The following SND1 variants were observed in gnomAD, a reference collection of about 807,000 sequenced individuals.
SND1 encodes staphylococcal nuclease domain-containing protein 1.
Under a neutral mutation model 121.7 loss-of-function variants are expected in SND1, and 38 were observed. That is an observed-to-expected ratio of 0.31 (90% confidence interval 0.24 to 0.41). SND1 has a LOEUF of 0.41. Among genes scored for constraint, SND1 ranks in the 10% least tolerant of loss-of-function variants. The probability of loss-of-function intolerance (pLI) is 1.00; values close to 1 mark genes in which losing one functional copy is unlikely to be tolerated. For synonymous variants in SND1, 401 were observed against 447.4 expected, an observed-to-expected ratio of 0.90 and a Z score of 1.31; for missense variants, 868 against 1,184.6, an observed-to-expected ratio of 0.73 and a Z score of 3.92.
intron 17 of SND1, among the ~76,000 whole-genome samples, chr7:128,077,464 G>A (rs1174148408): frequency 2.0e-5 from 3 of 152,314 alleles, no homozygotes; most frequent in East Asian, 1.9e-4. Flanking sequence ...GAGGGGACCC[G>A]AGCAAGACAG....
At chr7:127,893,808 C>T (rs369705975) in intron 13 of SND1, among the ~76,000 whole-genome samples, 1 of 152,076 alleles carries the variant, frequency 6.6e-6, no homozygotes, top group South Asian at 2.1e-4. Context: ...CTCATCTCAG[C>T]ATCGCCTTGG....
chr7:127,991,832 G>A (rs1047764407), intron 16 of SND1, among the ~76,000 whole-genome samples: 2 of 152,132 alleles, frequency 1.3e-5, no homozygotes, highest in African/African-American at 4.8e-5. Context: ...GAGCAGATGC[G>A]TGGACTTCTT....
chr7:127,701,539 C>CTGCAGAAG (rs55992554), intron 5 of SND1, among the ~76,000 whole-genome samples: 33,104 of 151,568 alleles, frequency 0.22, 4,160 homozygotes, highest in African/African-American at 0.35. Flanking sequence ...AGAAGCTAGT[C>CTGCAGAAG]CTGTGCTGTT....
At chr7:128,008,480 G>A (rs1303273407) in intron 16 of SND1, among the ~76,000 whole-genome samples, 1 of 133,836 alleles carries the variant, frequency 7.5e-6, no homozygotes, top group Non-Finnish European at 1.6e-5. Context: ...TTTTTTTTTT[G>A]GAGGGGGGTT....
chr7:128,035,928 T>C (rs1792741923), intron 16 of SND1, among the ~76,000 whole-genome samples: 1 of 152,178 alleles, frequency 6.6e-6, no homozygotes, highest in Non-Finnish European at 1.5e-5. Context: ...TAGATGTCCA[T>C]AATGCCTCAT....
Position 127,991,033 on chromosome 7 carries a change from A to G in SND1, c.1756A>G (p.Lys586Glu). Residue 586 changes from lysine to glutamate, a missense_variant, in exon 16 of 24, where the codon AAG becomes GAG. Physicochemically the swap from Lys to Glu is moderately conservative, Grantham distance 56. Coordinates refer to ENST00000354725, the MANE Select transcript of SND1 (RefSeq NM_014390.4). ...CAGCGAGGAAGCTACACTTTTCACC[A>G]AGGAACTGGTGCTGCAGCGAGAGGT... is the stretch of plus-strand genomic sequence containing the variant. ...PFSEEATLFTKELVLQREVEV... is the reference protein window; with the variant it reads ...PFSEEATLFTEELVLQREVEV... 1 of 1,613,850 alleles carries G rather than the reference A, an allele frequency of 6.2e-7. No individual in the cohort carries two copies. Among genetic ancestry groups the G allele is most frequent in the Non-Finnish European group, 8.5e-7 (1 of 1,179,832 alleles).
At chr7:127,841,751 G>A (rs1042010646) in intron 11 of SND1, among the ~76,000 whole-genome samples, 2 of 152,028 alleles carry the variant, frequency 1.3e-5, no homozygotes, top group African/African-American at 4.8e-5. Flanking sequence ...AAACCTTTTT[G>A]TTGGAGGGCA....
chr7:127,817,973 T>G (rs1334544670), intron 11 of SND1, among the ~76,000 whole-genome samples: 1 of 152,098 alleles, frequency 6.6e-6, no homozygotes, highest in African/African-American at 2.4e-5. Context: ...TCAATAGATC[T>G]TTACAGAAGG....
chr7:127,823,778 C>G (rs1798594590), intron 11 of SND1, among the ~76,000 whole-genome samples: 1 of 151,836 alleles, frequency 6.6e-6, no homozygotes, highest in South Asian at 2.1e-4. Flanking sequence ...GACATATTTG[C>G]TTTTAAAAGT....
At chr7:127,974,590 A>G (rs1159649866) in intron 15 of SND1, among the ~76,000 whole-genome samples, 1 of 152,194 alleles carries the variant, frequency 6.6e-6, no homozygotes, top group Admixed American at 6.5e-5. Context: ...GAGCTTCTTC[A>G]GATTCCAGGC....
At chr7:127,751,313 G>C (rs918428146) in intron 10 of SND1, among the ~76,000 whole-genome samples, 2 of 152,136 alleles carry the variant, frequency 1.3e-5, no homozygotes, top group African/African-American at 4.8e-5. Context: ...GCTTGTCTCC[G>C]ATACTTGAGT....
intron 10 of SND1, among the ~76,000 whole-genome samples, chr7:127,739,167 T>A (rs1796832041): frequency 6.6e-6 from 1 of 152,200 alleles, no homozygotes; most frequent in Non-Finnish European, 1.5e-5. Flanking sequence ...TACTGTGTCA[T>A]TTGTATAGGT....
At chr7:127,832,532 C>T (rs925961731) in intron 11 of SND1, among the ~76,000 whole-genome samples, 6 of 152,196 alleles carry the variant, frequency 3.9e-5, no homozygotes, top group Non-Finnish European at 7.3e-5. Context: ...CGTGATAGAT[C>T]TCTAAGGCAG....
At chr7:127,936,215 C>G (rs948064081) in intron 15 of SND1, among the ~76,000 whole-genome samples, 1 of 152,126 alleles carries the variant, frequency 6.6e-6, no homozygotes, top group Non-Finnish European at 1.5e-5. Context: ...TGTTCAAGGT[C>G]TCTCTGCCTG....
chr7:127,814,682 A>G (rs1206217351), intron 11 of SND1, among the ~76,000 whole-genome samples: 4 of 152,074 alleles, frequency 2.6e-5, no homozygotes, highest in African/African-American at 7.2e-5. Flanking sequence ...AAAGAGTCCA[A>G]TTGGAAAGCA....
chr7:127,731,659 T>C (rs1796678814), intron 10 of SND1, among the ~76,000 whole-genome samples: 1 of 152,206 alleles, frequency 6.6e-6, no homozygotes, highest in African/African-American at 2.4e-5. Context: ...GTTACCCTTC[T>C]TCCGGAGGTG....
rs1793070372 is a variant in SND1 at position 128,052,875 on chromosome 7, C to T, written c.1780-21627C>T. The stretch of plus-strand genomic sequence containing the variant: ...TTATGTGAAAAGACCAATAGTCAGC[C>T]CTACCCTTCAGGGACTTCTAGTTTA... On this transcript the variant is annotated intron_variant, in intron 16 of 23. Coordinates refer to ENST00000354725, the MANE Select transcript of SND1 (RefSeq NM_014390.4). The surrounding 1 kb of genome is among the most constrained non-coding windows in gnomAD (Gnocchi z 4.6). Among the ~76,000 whole-genome samples the T allele has an allele frequency of 6.6e-6, 1 of 152,190 alleles. No individual in the cohort carries two copies. The highest frequency in any genetic ancestry group is 1.5e-5 in the Non-Finnish European group (1 of 68,040).
intron 1 of SND1, among the ~76,000 whole-genome samples, chr7:127,686,354 C>T (rs1795812588): frequency 6.6e-6 from 1 of 152,176 alleles, no homozygotes; most frequent in African/African-American, 2.4e-5. Context: ...TGCCTTTTTA[C>T]CCCAGTCTGT....
At position 128,085,620 on chromosome 7, in the gene SND1, A is replaced by G; in HGVS notation, c.2235-91A>G. 3 of 1,143,450 alleles carry G rather than the reference A, an allele frequency of 2.6e-6. No individual in the cohort carries two copies. The highest frequency in any genetic ancestry group is 2.5e-5 in the South Asian group (2 of 78,978). The allele number at this position is 1,143,450 out of a possible 1,614,324, so 70.8% of individuals were successfully genotyped here. A position where few individuals can be genotyped will look rare whatever the true frequency, so the allele number is the denominator to read the frequency against. On this transcript the variant is annotated intron_variant, in intron 19 of 23. Transcript: ENST00000354725. This position sits in a 1 kb window ranked among gnomAD's most constrained non-coding sequence, Gnocchi z 4.4. ...ACACCCGTTGAACCCAGGCAGGGAA[A>G]TGCTGTGCCCCTGCCCCGCCATTGC...
Sources: allele counts gnomAD v4.1 joint callset (sites outside exome capture counted in the v4.1 genomes callset), GRCh38; gene constraint gnomAD v4.1.1; non-coding constraint Gnocchi (gnomAD v3.1); transcripts MANE v1.5; gene names NCBI Gene and HGNC (gene_info 2026-07-23, HGNC 2026-07-21).